OR52K1: variants seen among roughly 807,000 people sequenced by gnomAD.
OR52K1 encodes olfactory receptor family 52 subfamily K member 1.
Under a neutral mutation model 8.7 loss-of-function variants are expected in OR52K1, and 10 were observed. That is an observed-to-expected ratio of 1.15 (90% CI 0.71 to 1.95). OR52K1 has a LOEUF of 1.95. OR52K1 is among the 30% of genes most tolerant of loss of function. OR52K1 has a pLI of 0.00. For synonymous variants in OR52K1, 203 were observed against 148.5 expected (o/e 1.37, Z -2.67); for missense variants, 431 against 397.2 (o/e 1.08, Z -0.72).
Position 4,490,139 on chromosome 11 carries a change from C to T in OR52K1, c.*294C>T, listed in dbSNP as rs1309602164. On this transcript the variant is annotated 3_prime_UTR_variant, in exon 2 of 2. Coordinates refer to ENST00000641528, the MANE Select transcript of OR52K1 (RefSeq NM_001005171.3). Reference sequence around the variant, plus strand: ...GTAATCTGGGTGAAAGACAGTAGGACCTTTATTGGCTGAGATTGGCCCAAA... The same window carrying T: ...GTAATCTGGGTGAAAGACAGTAGGATCTTTATTGGCTGAGATTGGCCCAAA... The T allele has an allele frequency of 3.2e-6, 1 of 312,254 alleles. No individual in the cohort carries two copies. Among genetic ancestry groups the T allele is most frequent in the East Asian group, 6.6e-5 (1 of 15,190 alleles). The allele number at this position is 312,254 out of a possible 1,614,324, so 19.3% of individuals were successfully genotyped here. A position where few individuals can be genotyped will look rare whatever the true frequency, so the allele number is the denominator to read the frequency against.
chr11:4,483,297 T>C, intron 1 of OR52K1, 121 bp downstream of exon 1: 1 of 397,338 alleles, frequency 2.5e-6, no homozygotes, highest in South Asian at 1.3e-4. Context: ...TGATATCCTT[T>C]TAAGATAAAG....
rs772440022 is a variant in OR52K1 at position 4,489,468 on chromosome 11, G to C, written c.568G>C (p.Ala190Pro). Residue 190 changes from alanine (A) to proline (P), a missense_variant, in exon 2 of 2, where the codon GCG (alanine) becomes CCG (proline). Ala to Pro is a conservative substitution (Grantham distance 27, BLOSUM62 -1). Transcript: ENST00000641528. Reference sequence around the variant, plus strand: ...TGAACACATGGCTGTGGTAAGGCTGGCGTGTGGGGACACTAGCTTCAACAA... The same window carrying C: ...TGAACACATGGCTGTGGTAAGGCTGCCGTGTGGGGACACTAGCTTCAACAA... ...YCEHMAVVRL[A>P]CGDTSFNNIY... is the part of the protein sequence containing the mutation. 6.2e-7 allele frequency: 1 copy of C among 1,614,232 alleles called. No individual in the cohort carries two copies. The highest frequency in any genetic ancestry group is 8.5e-7 in the Non-Finnish European group (1 of 1,180,030).
rs2133107007 is a variant in OR52K1, at chr11:4,488,657, A to G, written c.-244A>G. On this transcript the variant is annotated 5_prime_UTR_variant, in exon 2 of 2. Coordinates refer to ENST00000641528, the MANE Select transcript of OR52K1 (RefSeq NM_001005171.3). ...AGTTGTCTTAGAATATTAAATATCC[A>G]TAGAATTGATATCCCATCTACTCAA... 1.0e-5 allele frequency: 5 copies of G among 488,902 alleles called. No individual in the cohort carries two copies. The highest frequency in any genetic ancestry group is 8.8e-5 in the South Asian group (3 of 34,066). The allele number at this position is 488,902 out of a possible 1,614,324, so 30.3% of individuals were successfully genotyped here. A position where few individuals can be genotyped will look rare whatever the true frequency, so the allele number is the denominator to read the frequency against.
Position 4,489,068 on chromosome 11 carries a change from C to T in OR52K1, c.168C>T (p.Ala56=), listed in dbSNP as rs1390847084. The part of the protein sequence containing the change: ...TLLFIIQADA[A]LHEPMYLFLA... ...TCTTCATTATCCAGGCTGATGCAGC[C>T]CTCCATGAACCCATGTACCTCTTTC... The change falls in exon 2 of 2, where the codon GCC becomes GCT. Residue 56 remains alanine, a synonymous_variant. Coordinates refer to ENST00000641528, the MANE Select transcript of OR52K1 (RefSeq NM_001005171.3). The T allele has an allele frequency of 9.3e-6, 15 of 1,614,180 alleles. No homozygotes were observed. Among genetic ancestry groups the T allele is most frequent in the Non-Finnish European group, 1.2e-5 (14 of 1,180,002 alleles).
rs774245849 is a variant in OR52K1 at position 4,489,567 on chromosome 11, A to G, written c.667A>G (p.Ile223Val). 8.1e-6 allele frequency: 13 copies of G among 1,614,078 alleles called. No individual in the cohort carries two copies. Among genetic ancestry groups the G allele is most frequent in the Admixed American group, 3.3e-5 (2 of 60,002 alleles). The change falls in exon 2 of 2, where the codon ATC becomes GTC. Residue 223 changes from isoleucine (I) to valine (V), a missense_variant. Coordinates refer to ENST00000641528, the MANE Select transcript of OR52K1 (RefSeq NM_001005171.3). Reference protein sequence around the residue: ...LLFVILSYVFILQAVLQLASQ... With the variant: ...LLFVILSYVFVLQAVLQLASQ... ...CTTTGTTATCCTGTCTTATGTCTTC[A>G]TCCTTCAGGCAGTTCTCCAGCTTGC...
chr11:4,487,989 T>G (rs946840858), intron 1 of OR52K1, among the ~76,000 whole-genome samples: 3 of 152,188 alleles, frequency 2.0e-5, no homozygotes, highest in African/African-American at 7.2e-5. Context: ...AAGTCATAAG[T>G]CAGTCTTGCT....
chr11:4,484,933 C>T (rs1210266310), intron 1 of OR52K1, among the ~76,000 whole-genome samples: 1 of 151,826 alleles, frequency 6.6e-6, no homozygotes, highest in East Asian at 1.9e-4. Flanking sequence ...CTTCCAAATT[C>T]CTCAAAAAAG....
rs145753082 is a variant in OR52K1, at chr11:4,489,106, C to A, written c.206C>A (p.Ala69Glu). 6.8e-6 allele frequency: 11 copies of A among 1,614,232 alleles called. No homozygotes were observed. Among genetic ancestry groups the A allele is most frequent in the Non-Finnish European group, 8.5e-6 (10 of 1,180,040 alleles). ...EPMYLFLAML[A>E]TIDLVLSSTT... ...ATGTACCTCTTTCTGGCCATGTTGG[C>A]AACCATTGACTTGGTTCTTTCTTCT... Residue 69 changes from alanine (A) to glutamate (E), a missense_variant, in exon 2 of 2, where the codon GCA (alanine) becomes GAA (glutamate). Ala to Glu is a moderately radical substitution (Grantham distance 107). Coordinates refer to ENST00000641528, the MANE Select transcript of OR52K1 (RefSeq NM_001005171.3).
At position 4,490,752 on chromosome 11, in the gene OR52K1, GTA is replaced by G. The variant is rs1846367738; in HGVS notation, c.*909_*910del. On this transcript the variant is annotated 3_prime_UTR_variant, in exon 2 of 2. Transcript: ENST00000641528. Reference sequence around the variant, plus strand: ...AACATTATAGTACCGTATATTTACTGTATGTTTTTTAACTTTTAAGTTACATG... The same window carrying G: ...AACATTATAGTACCGTATATTTACTGTGTTTTTTAACTTTTAAGTTACATG... 1.3e-5 allele frequency: 2 copies of G among 152,140 alleles called. No individual in the cohort carries two copies. Among genetic ancestry groups the G allele is most frequent in the South Asian group, 2.1e-4 (1 of 4,830 alleles). 9.4% of individuals were successfully genotyped at this position (152,140 alleles called of 1,614,324 possible).
chr11:4,485,674 G>A (rs1337924270), intron 1 of OR52K1, among the ~76,000 whole-genome samples: 1 of 152,148 alleles, frequency 6.6e-6, no homozygotes, highest in African/African-American at 2.4e-5. Flanking sequence ...TCCTGCAATA[G>A]TCTCCAGGTA....
chr11:4,489,838 A>T lies in OR52K1; in HGVS notation c.938A>T (p.Asn313Ile). ...GTGCTCAGTCTATTCCAGAGAAAGA[A>T]CATGTAGATGGATAGTTCTCTTTTT... The part of the protein sequence containing the change: ...EYVLSLFQRK[N>I]M The change falls in exon 2 of 2, where the codon AAC becomes ATC. Residue 313 changes from asparagine (N) to isoleucine (I), a missense_variant. By Grantham distance (149) the Asn-to-Ile change is moderately radical. Transcript: ENST00000641528. The T allele has an allele frequency of 6.3e-7, 1 of 1,594,324 alleles. No individual in the cohort carries two copies. The highest frequency in any genetic ancestry group is 2.2e-5 in the East Asian group (1 of 44,718).
chr11:4,486,648 A>G (rs1324055526), intron 1 of OR52K1, among the ~76,000 whole-genome samples: 1 of 152,236 alleles, frequency 6.6e-6, no homozygotes, highest in Non-Finnish European at 1.5e-5. Context: ...CACAACAATG[A>G]AACTTTGTAT....
In OR52K1 at chr11:4,489,568, T is replaced by C; in HGVS notation, c.668T>C (p.Ile223Thr). Residue 223 changes from isoleucine to threonine, a missense_variant, in exon 2 of 2, where the codon ATC becomes ACC. By Grantham distance (89) the Ile-to-Thr change is moderately conservative. Coordinates refer to ENST00000641528, the MANE Select transcript of OR52K1 (RefSeq NM_001005171.3). The part of the protein sequence containing the change: ...LLFVILSYVF[I>T]LQAVLQLASQ... ...TTTGTTATCCTGTCTTATGTCTTCATCCTTCAGGCAGTTCTCCAGCTTGCC... is the reference window on the plus strand; with the variant it reads ...TTTGTTATCCTGTCTTATGTCTTCACCCTTCAGGCAGTTCTCCAGCTTGCC... The C allele has an allele frequency of 1.2e-6, 2 of 1,614,254 alleles. No homozygotes were observed. The highest frequency in any genetic ancestry group is 1.7e-6 in the Non-Finnish European group (2 of 1,180,038).
chr11:4,483,249 T>A (rs1846294993), intron 1 of OR52K1, 73 bp downstream of exon 1: 2 of 398,376 alleles, frequency 5.0e-6, no homozygotes, highest in South Asian at 2.5e-4. Flanking sequence ...GTGATTATCC[T>A]TCCTTGTCTG....
At chr11:4,488,439 T>C (rs1002608911) in intron 1 of OR52K1, 134 bp from the exon 2 acceptor site, 3 of 163,266 alleles carry the variant, frequency 1.8e-5, no homozygotes, top group Admixed American at 5.5e-5. Flanking sequence ...GACTTATACA[T>C]GGACTCAACT....
intron 1 of OR52K1, among the ~76,000 whole-genome samples, chr11:4,483,703 G>A (rs140405823): frequency 4.1e-4 from 63 of 152,216 alleles, no homozygotes; most frequent in African/African-American, 1.5e-3. Context: ...GGAATCTAGG[G>A]GGACATGGAG....
At position 4,489,144 on chromosome 11, in the gene OR52K1, A is replaced by G. The variant is rs1319782245; in HGVS notation, c.244A>G (p.Lys82Glu). The G allele has an allele frequency of 6.2e-7, 1 of 1,614,244 alleles. No individual in the cohort carries two copies. The highest frequency in any genetic ancestry group is 1.7e-5 in the Admixed American group (1 of 60,030). Reference protein sequence around the residue: ...DLVLSSTTLPKMLAIFWFRDQ... With the variant: ...DLVLSSTTLPEMLAIFWFRDQ... Reference sequence around the variant, plus strand: ...GGTTCTTTCTTCTACAACGCTGCCCAAAATGCTTGCCATATTCTGGTTCAG... The same window carrying G: ...GGTTCTTTCTTCTACAACGCTGCCCGAAATGCTTGCCATATTCTGGTTCAG... Residue 82 changes from lysine to glutamate, a missense_variant, in exon 2 of 2, where the codon AAA becomes GAA. Coordinates refer to ENST00000641528, the MANE Select transcript of OR52K1 (RefSeq NM_001005171.3).
intron 1 of OR52K1, among the ~76,000 whole-genome samples, chr11:4,486,567 C>G (rs1374971683): frequency 6.6e-6 from 1 of 152,150 alleles, no homozygotes; most frequent in East Asian, 1.9e-4. Context: ...CTTTTTATTT[C>G]AAATTTCAAC....
Position 4,489,671 on chromosome 11 carries a change from A to T in OR52K1, c.771A>T (p.Val257=). The change falls in exon 2 of 2, where the codon GTA becomes GTT. Residue 257 remains valine (V), a synonymous_variant. Coordinates refer to ENST00000641528, the MANE Select transcript of OR52K1 (RefSeq NM_001005171.3). Reference sequence around the variant, plus strand: ...CCATCCTGTCCACCTACACTCCAGTAGTCATCTCTTCAGTCATGCACCGTG... The same window carrying T: ...CCATCCTGTCCACCTACACTCCAGTTGTCATCTCTTCAGTCATGCACCGTG... ...IGAILSTYTP[V]VISSVMHRVA... 1 of 1,614,218 alleles carries T rather than the reference A, an allele frequency of 6.2e-7. No individual in the cohort carries two copies. Among genetic ancestry groups the T allele is most frequent in the Non-Finnish European group, 8.5e-7 (1 of 1,180,034 alleles).
Sources: gnomAD v4.1 joint callset for allele counts (sites outside exome capture counted in the v4.1 genomes callset) on GRCh38, gnomAD v4.1.1 for gene constraint, MANE v1.5 for transcripts, NCBI Gene and HGNC (gene_info 2026-07-23, HGNC 2026-07-21) for gene names.